The following GFM2 variants were observed in gnomAD, a reference collection of about 807,000 sequenced individuals.
GFM2 encodes the protein ribosome-releasing factor 2, mitochondrial.
In GFM2, 72 loss-of-function variants were observed where a neutral mutation model predicts 95.4. The observed-to-expected ratio is 0.76, with a 90% CI of 0.62 to 0.92. The LOEUF is 0.92. Among genes scored for constraint, GFM2 ranks in the 40% least tolerant of loss-of-function variants. The pLI, the probability that GFM2 is intolerant of heterozygous loss-of-function variation, is 0.00. For synonymous variants in GFM2, 276 were observed against 317.5 expected (o/e 0.87, Z 1.39); for missense variants, 825 against 924.1 (o/e 0.89, Z 1.39).
In GFM2 at chr5:74,725,652, T is replaced by A; in HGVS notation, c.2016A>T (p.Arg672Ser). The change falls in exon 19 of 21, where the codon AGA (arginine) becomes AGT (serine). Residue 672 changes from arginine to serine, a missense_variant. Physicochemically the swap from Arg to Ser is moderately radical, Grantham distance 110. Coordinates refer to ENST00000296805, the MANE Select transcript of GFM2 (RefSeq NM_032380.5). Reference sequence around the variant, plus strand: ...GATAGTTCTATACCTTTTGCACGCATCTTGAGACACAGGCAGAAATCATAG... The same window carrying A: ...GATAGTTCTATACCTTTTGCACGCAACTTGAGACACAGGCAGAAATCATAG... ...STTMISACVSRCVQKALKKAD... is the reference protein window; with the variant it reads ...STTMISACVSSCVQKALKKAD... 1 of 1,611,594 alleles carries A rather than the reference T, an allele frequency of 6.2e-7. No homozygotes were observed. Among genetic ancestry groups the A allele is most frequent in the Non-Finnish European group, 8.5e-7 (1 of 1,177,870 alleles).
At chr5:74,759,331 C>T (rs1179048653) in intron 4 of GFM2, 38 bp downstream of exon 4, 2 of 1,191,564 alleles carry the variant, frequency 1.7e-6, no homozygotes, top group Non-Finnish European at 2.4e-6. Context: ...ATTTTCGTGA[C>T]AGTCTATGGA....
rs1362347191 is a variant in GFM2, at chr5:74,721,252, AGACTGTTTTTTGAAT to A, written c.*388_*402del. ...TTGAAATCATGTAAAATAAGATATT[AGACTGTTTTTTGAAT>A]AAAATATTTTTATTGATTGAACCTT... On this transcript the variant is annotated 3_prime_UTR_variant, in exon 21 of 21. Coordinates refer to ENST00000296805, the MANE Select transcript of GFM2 (RefSeq NM_032380.5). The A allele has an allele frequency of 8.5e-7, 1 of 1,171,772 alleles. No homozygotes were observed. Among genetic ancestry groups the A allele is most frequent in the East Asian group, 2.4e-5 (1 of 41,396 alleles). The allele number at this position is 1,171,772 out of a possible 1,614,324, so 72.6% of individuals were successfully genotyped here.
chr5:74,748,398 T>C (rs1409093363), intron 7 of GFM2, among the ~76,000 whole-genome samples: 1 of 152,216 alleles, frequency 6.6e-6, no homozygotes, highest in Non-Finnish European at 1.5e-5. Context: ...CCTGAAATTT[T>C]TCTCATCCCT....
At position 74,755,860 on chromosome 5, in the gene GFM2, A is replaced by C. The variant is rs117914821; in HGVS notation, c.304+2989T>G. Among the ~76,000 whole-genome samples, 354 of 152,326 alleles carry C rather than the reference A, an allele frequency of 2.3e-3. 9 individuals carry two copies. In the East Asian group the frequency reaches 0.06, roughly 26 times the overall value. ...GGAATCCTCCCTAAATCATTCTATG[A>C]AGCCAGTATCACCGTAATACCAAAA... On this transcript the variant is annotated intron_variant, in intron 5 of 20. Coordinates refer to ENST00000296805, the MANE Select transcript of GFM2 (RefSeq NM_032380.5).
At chr5:74,764,848 T>C (rs1744471079) in intron 1 of GFM2, among the ~76,000 whole-genome samples, 1 of 149,344 alleles carries the variant, frequency 6.7e-6, no homozygotes, top group East Asian at 2.0e-4. Context: ...TGCAGTGGCT[T>C]GATCTCAGCT....
chr5:74,736,687 C>G, intron 15 of GFM2, 109 bp downstream of exon 15: 1 of 1,526,786 alleles, frequency 6.5e-7, no homozygotes, highest in Non-Finnish European at 8.8e-7. Flanking sequence ...CCAATATATT[C>G]AGATAAAATT....
At chr5:74,727,359 T>C (rs934230881) in intron 17 of GFM2, among the ~76,000 whole-genome samples, 1 of 152,202 alleles carries the variant, frequency 6.6e-6, no homozygotes, top group Non-Finnish European at 1.5e-5. Flanking sequence ...CACATATGCA[T>C]GTATTTCTAA....
intron 16 of GFM2, 91 bp from the exon 17 acceptor site, chr5:74,730,489 T>C (rs1215199925): frequency 1.2e-6 from 1 of 815,336 alleles, no homozygotes; most frequent in Non-Finnish European, 1.7e-6. Context: ...TACATACTTA[T>C]TTTTAATTAA....
intron 19 of GFM2, among the ~76,000 whole-genome samples, chr5:74,724,144 G>T (rs948861725): frequency 6.6e-6 from 1 of 152,114 alleles, no homozygotes; most frequent in Non-Finnish European, 1.5e-5. Context: ...CCCCCATAAA[G>T]TTAATTCTTG....
chr5:74,756,858 G>C (rs1744013498), intron 5 of GFM2, among the ~76,000 whole-genome samples: 1 of 152,134 alleles, frequency 6.6e-6, no homozygotes. Flanking sequence ...TCATAAGTGG[G>C]ATCTAAGCTA....
chr5:74,736,302 A>T, intron 15 of GFM2: 1 of 878,286 alleles, frequency 1.1e-6, no homozygotes. Context: ...TGCTAGAAGT[A>T]ATGAGAAGCC....
chr5:74,748,732 G>C (rs984351045), intron 7 of GFM2, among the ~76,000 whole-genome samples: 1 of 151,500 alleles, frequency 6.6e-6, no homozygotes, highest in South Asian at 2.1e-4. Context: ...AGGCGTGGTG[G>C]TGCACGCCTG....
Position 74,751,435 on chromosome 5 carries a change from A to G in GFM2, c.363T>C (p.Ile121=). The change falls in exon 6 of 21, where the codon ATT becomes ATC. Residue 121 remains isoleucine (I), a synonymous_variant. Transcript: ENST00000296805. ...DFMAQERERG[I]TIQSAAVTFD... ...ATGTAACAGCAGCTGATTGAATAGTAATGCCTCTTTCTCGCTCTTGGGCCA... is the reference window on the plus strand; with the variant it reads ...ATGTAACAGCAGCTGATTGAATAGTGATGCCTCTTTCTCGCTCTTGGGCCA... The G allele has an allele frequency of 6.2e-7, 1 of 1,609,942 alleles. No homozygotes were observed. Among genetic ancestry groups the G allele is most frequent in the South Asian group, 1.1e-5 (1 of 90,988 alleles).
Position 74,745,778 on chromosome 5 carries a change from G to C in GFM2, c.749C>G (p.Ser250Ter), listed in dbSNP as rs1743352669. The C allele has an allele frequency of 6.2e-7, 1 of 1,613,410 alleles. No homozygotes were observed. Among genetic ancestry groups the C allele is most frequent in the Non-Finnish European group, 8.5e-7 (1 of 1,179,794 alleles). Reference protein sequence around the residue: ...MKEKLLWNCNSNDGKDFERKP... With the variant: ...MKEKLLWNCN ...TCTCTCAAAGTCTTTTCCATCATTT[G>C]AATTGCAATTCCAAAGAAGTTTTTC... The change falls in exon 10 of 21, where the codon TCA (serine) becomes TGA (stop). Residue 250 changes from serine (S) to a stop codon, truncating the protein, a stop_gained. Coordinates refer to ENST00000296805, the MANE Select transcript of GFM2 (RefSeq NM_032380.5). LOFTEE classifies it high-confidence loss of function.
At position 74,751,392 on chromosome 5, in the gene GFM2, T is replaced by C. The variant is rs778170012; in HGVS notation, c.406A>G (p.Arg136Gly). The stretch of plus-strand genomic sequence containing the variant: ...CCTGGTGTATCAATTAGATTGACTC[T>C]ATAACCTTTCCAATCAAATGTAACA... ...AAVTFDWKGYRVNLIDTPGHV... is the reference protein window; with the variant it reads ...AAVTFDWKGYGVNLIDTPGHV... The change falls in exon 6 of 21, where the codon AGA becomes GGA. Residue 136 changes from arginine to glycine, a missense_variant. Transcript: ENST00000296805. 2 of 1,612,984 alleles carry C rather than the reference T, an allele frequency of 1.2e-6. No individual in the cohort carries two copies. The highest frequency in any genetic ancestry group is 3.3e-5 in the Admixed American group (2 of 60,002).
intron 10 of GFM2, among the ~76,000 whole-genome samples, chr5:74,742,342 T>C (rs1021128998): frequency 1.3e-5 from 2 of 152,032 alleles, no homozygotes; most frequent in African/African-American, 4.8e-5. Context: ...TTATATGTGA[T>C]GGTTAAGCTC....
rs555992282 is a variant in GFM2 at position 74,730,844 on chromosome 5, G to A, written c.1588-446C>T. 606 of 153,088 alleles carry A rather than the reference G, an allele frequency of 4.0e-3. 2 individuals carry two copies. Among genetic ancestry groups the A allele is most frequent in the African/African-American group, 0.014 (583 of 41,428 alleles). The allele number at this position is 153,088 out of a possible 1,614,324, so 9.5% of individuals were successfully genotyped here. ...TTTATTTATTTTGAGATGGAGTTTC[G>A]CTCTTGTTGCCCAGGCTGGAGTGCA... On this transcript the variant is annotated intron_variant, in intron 16 of 20. Transcript: ENST00000296805.
In GFM2 at chr5:74,725,955, C is replaced by A; in HGVS notation, c.1898G>T (p.Ser633Ile). 1 of 1,610,294 alleles carries A rather than the reference C, an allele frequency of 6.2e-7. No individual in the cohort carries two copies. The highest frequency in any genetic ancestry group is 1.7e-4 in the Middle Eastern group (1 of 6,016). The change falls in exon 18 of 21, where the codon AGC becomes ATC. Residue 633 changes from serine (S) to isoleucine (I), a missense_variant. Physicochemically the swap from Ser to Ile is moderately radical, Grantham distance 142. Transcript: ENST00000296805. ...SQEAIENGIH[S>I]ACLQGPLLGS... ...GAGTGTCTTACCTTGGAGACATGCG[C>A]TGTGAATTCCATTTTCAATGGCCTC...
Position 74,721,574 on chromosome 5 carries a change from A to G in GFM2, c.*81T>C, listed in dbSNP as rs567964499. The G allele has an allele frequency of 4.4e-5, 62 of 1,408,866 alleles. No homozygotes were observed. In the African/African-American group the frequency reaches 8.2e-4, roughly 19 times the overall value. The allele number at this position is 1,408,866 out of a possible 1,614,324, so 87.3% of individuals were successfully genotyped here. ...ACTGAAACAGTACTTTATTCGTCCA[A>G]TAAATAAAGCAATAAAAATTGTTCT... On this transcript the variant is annotated 3_prime_UTR_variant, in exon 21 of 21. Transcript: ENST00000296805.
Sources: gnomAD v4.1 joint callset for allele counts (sites outside exome capture counted in the v4.1 genomes callset) on GRCh38, gnomAD v4.1.1 for gene constraint, MANE v1.5 for transcripts, NCBI Gene and HGNC (gene_info 2026-07-23, HGNC 2026-07-21) for gene names.